The following BTBD9 variants were observed in gnomAD, a reference collection of about 807,000 sequenced individuals.
BTBD9 encodes BTB/POZ domain-containing protein 9.
BTBD9 carries 49 observed loss-of-function variants against 64.3 expected under a neutral mutation model. The ratio of observed to expected loss-of-function variants is 0.76; its 90% CI spans 0.61 to 0.97. The LOEUF is 0.97. BTBD9 is among the 50% of genes least tolerant of loss of function. BTBD9 has a pLI of 0.00. For synonymous variants in BTBD9, 260 were observed against 274.7 expected, an observed-to-expected ratio of 0.95 and a Z score of 0.53; for missense variants, 598 against 762.1, an observed-to-expected ratio of 0.78 and a Z score of 2.53.
At chr6:38,461,442 T>G (rs953690642) in intron 6 of BTBD9, among the ~76,000 whole-genome samples, 1 of 152,222 alleles carries the variant, frequency 6.6e-6, no homozygotes, top group Non-Finnish European at 1.5e-5. Context: ...TTTGTTTGGC[T>G]TACTTTGCTC....
chr6:38,621,313 G>A (rs1777973324), intron 1 of BTBD9, among the ~76,000 whole-genome samples: 1 of 152,292 alleles, frequency 6.6e-6, no homozygotes, highest in Non-Finnish European at 1.5e-5. Context: ...CCTCAACCCT[G>A]CTACTTTTCT....
At chr6:38,287,109 T>TACACACAC (rs70981534) in intron 8 of BTBD9, among the ~76,000 whole-genome samples, 62 of 87,020 alleles carry the variant, frequency 7.1e-4, no homozygotes, top group Middle Eastern at 7.6e-3. Flanking sequence ...AAAAAAAATA[T>TACACACAC]ACACACACAC....
chr6:38,434,776 A>T (rs559643105), intron 6 of BTBD9, among the ~76,000 whole-genome samples: 222 of 152,094 alleles, frequency 1.5e-3, no homozygotes, highest in Non-Finnish European at 2.6e-3. Flanking sequence ...TATGCATTAA[A>T]TTTTGTTTTA....
chr6:38,371,531 A>G (rs942681683), intron 6 of BTBD9, among the ~76,000 whole-genome samples: 2 of 152,194 alleles, frequency 1.3e-5, no homozygotes, highest in Non-Finnish European at 2.9e-5. Context: ...AGCCCTGTGC[A>G]GAGGCACAGG....
intron 7 of BTBD9, among the ~76,000 whole-genome samples, chr6:38,288,843 C>T (rs1332925016): frequency 6.6e-6 from 1 of 152,060 alleles, no homozygotes; most frequent in Admixed American, 6.5e-5. Flanking sequence ...AAGAGAATTG[C>T]TTGAACCTGG....
chr6:38,269,701 G>C (rs1000358276), intron 8 of BTBD9, among the ~76,000 whole-genome samples: 1 of 152,156 alleles, frequency 6.6e-6, no homozygotes, highest in Non-Finnish European at 1.5e-5. Flanking sequence ...AAGATGTGAG[G>C]ATGTTGTTTC....
At chr6:38,585,279 G>T (rs914042245) in intron 4 of BTBD9, among the ~76,000 whole-genome samples, 1 of 152,124 alleles carries the variant, frequency 6.6e-6, no homozygotes, top group African/African-American at 2.4e-5. Flanking sequence ...TTCTATCTTT[G>T]AAGATACAAA....
chr6:38,401,158 T>G (rs1465307561), intron 6 of BTBD9, among the ~76,000 whole-genome samples: 2 of 151,982 alleles, frequency 1.3e-5, no homozygotes, highest in Admixed American at 1.3e-4. Context: ...TGGTGGGAGG[T>G]GACTGGGTCA....
chr6:38,302,747 T>C (rs1426340780), intron 7 of BTBD9, among the ~76,000 whole-genome samples: 1 of 151,958 alleles, frequency 6.6e-6, no homozygotes, highest in Non-Finnish European at 1.5e-5. Context: ...GCTGTACTAA[T>C]TTACATTACC....
At chr6:38,423,326 A>C (rs1404334165) in intron 6 of BTBD9, among the ~76,000 whole-genome samples, 2 of 151,984 alleles carry the variant, frequency 1.3e-5, no homozygotes, top group African/African-American at 4.8e-5. Context: ...ATAGTGTGAG[A>C]TAGGGTTTTG....
chr6:38,563,485 C>T (rs1775338810), intron 6 of BTBD9, among the ~76,000 whole-genome samples: 1 of 152,172 alleles, frequency 6.6e-6, no homozygotes. Flanking sequence ...AATCCATTCC[C>T]CACAAGGAGG....
chr6:38,203,407 C>CA (rs1026126312), intron 9 of BTBD9, among the ~76,000 whole-genome samples: 10 of 150,040 alleles, frequency 6.7e-5, no homozygotes, highest in Middle Eastern at 6.3e-3. Context: ...GCTATCTATC[C>CA]AAAAAAAAAG....
At chr6:38,461,057 C>G (rs965099886) in intron 6 of BTBD9, among the ~76,000 whole-genome samples, 1 of 152,246 alleles carries the variant, frequency 6.6e-6, no homozygotes, top group Non-Finnish European at 1.5e-5. Context: ...AGGCGTTTCA[C>G]GCTCACTCTG....
intron 1 of BTBD9, among the ~76,000 whole-genome samples, chr6:38,608,970 G>C (rs1289022284): frequency 2.0e-5 from 3 of 152,156 alleles, no homozygotes; most frequent in African/African-American, 7.2e-5. Context: ...TCAGAAACAA[G>C]TATCTCCATG....
intron 6 of BTBD9, among the ~76,000 whole-genome samples, chr6:38,364,446 A>G (rs1393856625): frequency 6.6e-6 from 1 of 152,214 alleles, no homozygotes; most frequent in Admixed American, 6.5e-5. Flanking sequence ...AGTGATATGT[A>G]ATTTTCTATG....
chr6:38,331,667 T>C (rs555813242), intron 7 of BTBD9, among the ~76,000 whole-genome samples: 12 of 152,242 alleles, frequency 7.9e-5, no homozygotes, highest in Admixed American at 7.9e-4. Flanking sequence ...AAGACCAGCC[T>C]GAGCAAACAT....
intron 6 of BTBD9, among the ~76,000 whole-genome samples, chr6:38,537,798 C>T (rs563593836): frequency 1.3e-4 from 20 of 152,122 alleles, no homozygotes; most frequent in Non-Finnish European, 2.1e-4. Context: ...GTAGGTGTAG[C>T]GAATAGCTAA....
chr6:38,364,250 C>T (rs182012284), intron 6 of BTBD9, among the ~76,000 whole-genome samples: 2 of 152,266 alleles, frequency 1.3e-5, no homozygotes, highest in Admixed American at 6.5e-5. Flanking sequence ...GCTGACTCTA[C>T]ACACAGGAAC....
chr6:38,617,990 C>T (rs2180105), intron 1 of BTBD9, among the ~76,000 whole-genome samples: 1,577 of 152,322 alleles, frequency 0.01, 14 homozygotes, highest in Non-Finnish European at 0.018. Flanking sequence ...TGACCTTCCT[C>T]GGTCCTCTTT....
Sources: gnomAD v4.1 joint callset for allele counts (sites outside exome capture counted in the v4.1 genomes callset) on GRCh38, gnomAD v4.1.1 for gene constraint, MANE v1.5 for transcripts, NCBI Gene and HGNC (gene_info 2026-07-23, HGNC 2026-07-21) for gene names.